THUMPD2: variants seen among roughly 807,000 people sequenced by gnomAD.
THUMPD2 encodes the protein THUMP domain 2 tRNA and snRNA guanosine methyltransferase, also known as U6 snRNA (guanine-N(2))-methyltransferase THUMPD2.
In THUMPD2, 56 loss-of-function variants were observed where a neutral mutation model predicts 49.4. That is an observed-to-expected ratio of 1.13 (90% confidence interval 0.91 to 1.41). THUMPD2 has a LOEUF of 1.41. THUMPD2 is among the 40% of genes most tolerant of loss of function. The pLI is 0.00. For missense variants in THUMPD2, 709 were observed against 594.5 expected, an observed-to-expected ratio of 1.19 and a Z score of -2.00; for synonymous variants, 237 against 205.2, an observed-to-expected ratio of 1.15 and a Z score of -1.32.
At chr2:39,739,663 G>A (rs1673644259) in intron 9 of THUMPD2, among the ~76,000 whole-genome samples, 1 of 152,180 alleles carries the variant, frequency 6.6e-6, no homozygotes, top group Admixed American at 6.6e-5. Flanking sequence ...ACTTCCAAAC[G>A]TGTCTGGGGA....
At chr2:39,757,273 G>C (rs577973462) in intron 6 of THUMPD2, 2 of 715,456 alleles carry the variant, frequency 2.8e-6, no homozygotes, top group Non-Finnish European at 4.4e-6. Flanking sequence ...AGTCGTGCTC[G>C]AGATAGGGGA....
intron 5 of THUMPD2, 92 bp downstream of exon 5, chr2:39,765,965 A>G: frequency 2.0e-6 from 2 of 1,014,988 alleles, no homozygotes; most frequent in Non-Finnish European, 3.0e-6. Context: ...TCTCTGTTAT[A>G]TGAATGCTTC....
intron 1 of THUMPD2, among the ~76,000 whole-genome samples, chr2:39,772,887 G>A (rs1678518695): frequency 6.6e-6 from 1 of 152,156 alleles, no homozygotes; most frequent in South Asian, 2.1e-4. Context: ...TTAAGCTCTT[G>A]GAATGGTAAT....
chr2:39,777,806 T>TA (rs1008963502), intron 1 of THUMPD2, among the ~76,000 whole-genome samples: 1 of 152,226 alleles, frequency 6.6e-6, no homozygotes, highest in African/African-American at 2.4e-5. Flanking sequence ...TTCCTGGTAA[T>TA]AAAGTTTTCC....
At chr2:39,765,544 A>T (rs915831624) in intron 5 of THUMPD2, among the ~76,000 whole-genome samples, 10 of 152,150 alleles carry the variant, frequency 6.6e-5, no homozygotes, top group African/African-American at 2.4e-4. Context: ...AATTTAAAAA[A>T]ATATACATTT....
intron 9 of THUMPD2, 117 bp from the exon 10 acceptor site, chr2:39,737,176 T>G: frequency 2.0e-6 from 2 of 995,948 alleles, no homozygotes; most frequent in Non-Finnish European, 2.9e-6. Context: ...TCCATTTAAA[T>G]ATAAGGATTT....
chr2:39,750,285 G>A (rs901353476), intron 8 of THUMPD2, among the ~76,000 whole-genome samples: 2 of 152,028 alleles, frequency 1.3e-5, no homozygotes, highest in African/African-American at 4.8e-5. Context: ...TTTAATAATC[G>A]CCATTCTGAC....
chr2:39,742,605 A>T (rs1051458456), intron 9 of THUMPD2, among the ~76,000 whole-genome samples: 3 of 152,200 alleles, frequency 2.0e-5, no homozygotes, highest in Non-Finnish European at 2.9e-5. Context: ...CTTCTAGGTT[A>T]AATGTAAATC....
At chr2:39,749,868 C>T (rs556832839) in intron 8 of THUMPD2, among the ~76,000 whole-genome samples, 5 of 152,040 alleles carry the variant, frequency 3.3e-5, no homozygotes, top group East Asian at 1.9e-4. Context: ...TCTGTTCCTG[C>T]GTTAGTTTGC....
At chr2:39,774,089 C>A (rs1408768516) in intron 1 of THUMPD2, among the ~76,000 whole-genome samples, 2 of 152,174 alleles carry the variant, frequency 1.3e-5, no homozygotes, top group African/African-American at 4.8e-5. Flanking sequence ...TTACGTGGTC[C>A]CAGTGCAAGT....
intron 8 of THUMPD2, among the ~76,000 whole-genome samples, chr2:39,753,333 T>A (rs1391625591): frequency 6.6e-6 from 1 of 152,154 alleles, no homozygotes; most frequent in Non-Finnish European, 1.5e-5. Context: ...TGATCTATCT[T>A]TCTTCCCCGG....
chr2:39,766,984 TACG>T (rs1360372140), intron 4 of THUMPD2, among the ~76,000 whole-genome samples: 14 of 152,352 alleles, frequency 9.2e-5, no homozygotes, highest in South Asian at 8.3e-4. Context: ...ATTCTAAAGA[TACG>T]ACATGTTCAT....
chr2:39,742,832 C>A (rs912491685), intron 9 of THUMPD2, among the ~76,000 whole-genome samples: 1 of 152,114 alleles, frequency 6.6e-6, no homozygotes, highest in Non-Finnish European at 1.5e-5. Context: ...TTTTTAAAAG[C>A]TCCTGAAATG....
intron 5 of THUMPD2, among the ~76,000 whole-genome samples, chr2:39,764,383 A>T (rs1433867971): frequency 6.6e-6 from 1 of 152,218 alleles, no homozygotes; most frequent in African/African-American, 2.4e-5. Context: ...GAGTTATAAT[A>T]ATTTGTGGAG....
At chr2:39,757,949 C>A (rs1195126031) in intron 6 of THUMPD2, among the ~76,000 whole-genome samples, 2 of 152,130 alleles carry the variant, frequency 1.3e-5, no homozygotes, top group East Asian at 3.9e-4. Context: ...CACATTCCCT[C>A]CAAAAGAACT....
At chr2:39,740,770 G>A (rs1348820541) in intron 9 of THUMPD2, among the ~76,000 whole-genome samples, 1 of 151,790 alleles carries the variant, frequency 6.6e-6, no homozygotes, top group Non-Finnish European at 1.5e-5. Flanking sequence ...CAGGTAGCTT[G>A]ATCGCAGCCC....
In THUMPD2 at chr2:39,770,033, C is replaced by G; in HGVS notation, c.349G>C (p.Glu117Gln). Residue 117 changes from glutamate to glutamine, a missense_variant, in exon 3 of 10, where the codon GAA becomes CAA. Glu to Gln is a conservative substitution (Grantham distance 29, BLOSUM62 2). Transcript: ENST00000505747. ...NAISIWKNLLELDAKKEKLSQ... is the reference protein window; with the variant it reads ...NAISIWKNLLQLDAKKEKLSQ... Reference sequence around the variant, plus strand: ...AGTTTTTCCTTTTTTGCATCAAGTTCAAGAAGATTTTTCCAAATTGAAATG... The same window carrying G: ...AGTTTTTCCTTTTTTGCATCAAGTTGAAGAAGATTTTTCCAAATTGAAATG... The G allele has an allele frequency of 1.3e-6, 2 of 1,574,966 alleles. No homozygotes were observed. Among genetic ancestry groups the G allele is most frequent in the East Asian group, 2.3e-5 (1 of 43,756 alleles).
At chr2:39,750,046 G>A (rs1675181996) in intron 8 of THUMPD2, among the ~76,000 whole-genome samples, 1 of 152,182 alleles carries the variant, frequency 6.6e-6, no homozygotes, top group Non-Finnish European at 1.5e-5. Flanking sequence ...CATGAATAGT[G>A]CTCAAGTGAA....
intron 5 of THUMPD2, 93 bp downstream of exon 5, chr2:39,765,964 T>C (rs1012583514): frequency 3.0e-6 from 3 of 989,994 alleles, no homozygotes; most frequent in African/African-American, 1.7e-5. Context: ...TTCTCTGTTA[T>C]ATGAATGCTT....
Sources: allele counts gnomAD v4.1 joint callset (sites outside exome capture counted in the v4.1 genomes callset), GRCh38; gene constraint gnomAD v4.1.1; transcripts MANE v1.5; gene names NCBI Gene and HGNC (gene_info 2026-07-23, HGNC 2026-07-21).